The following SLC6A20 variants were observed in gnomAD, a reference collection of about 807,000 sequenced individuals.
SLC6A20 encodes solute carrier family 6 member 20.
Under a neutral mutation model 64.3 loss-of-function variants are expected in SLC6A20, and 73 were observed. The ratio of observed to expected loss-of-function variants is 1.14; its 90% CI spans 0.94 to 1.38. The LOEUF is 1.38. SLC6A20 is among the 40% of genes most tolerant of loss of function. The pLI is 0.00. For synonymous variants in SLC6A20, 347 were observed against 329.6 expected (o/e 1.05, Z -0.57); for missense variants, 725 against 772.8 (o/e 0.94, Z 0.73).
rs1177724068 is a variant in SLC6A20, at chr3:45,757,215, C to G, written c.*1763G>C. 6 of 150,832 alleles carry G rather than the reference C, an allele frequency of 4.0e-5. No homozygotes were observed. Among genetic ancestry groups the G allele is most frequent in the African/African-American group, 7.3e-5 (3 of 40,852 alleles). 9.3% of individuals were successfully genotyped at this position (150,832 alleles called of 1,614,324 possible). A position where few individuals can be genotyped will look rare whatever the true frequency, so the allele number is the denominator to read the frequency against. ...CTTTTTACACCGAGACATTCCATTA[C>G]CAGGGACAAGCAGGAGACAGAAGCC... On this transcript the variant is annotated 3_prime_UTR_variant, in exon 11 of 11. Coordinates refer to ENST00000358525, the MANE Select transcript of SLC6A20 (RefSeq NM_020208.4).
chr3:45,783,946 G>A (rs1182497010), intron 1 of SLC6A20, among the ~76,000 whole-genome samples: 1 of 152,220 alleles, frequency 6.6e-6, no homozygotes, highest in Non-Finnish European at 1.5e-5. Context: ...TCTCAATCAT[G>A]AAATATCTGA....
chr3:45,757,315 G>A lies in SLC6A20; in HGVS notation c.*1663C>T, dbSNP rs191679721. On this transcript the variant is annotated 3_prime_UTR_variant, in exon 11 of 11. Transcript: ENST00000358525. ...TCAGCACCGACCCTTTACAGGTGTC[G>A]GGCTGGGGGACAGTCAGGTCTTTCC... The A allele has an allele frequency of 5.3e-5, 8 of 151,900 alleles. No individual in the cohort carries two copies. The highest frequency in any genetic ancestry group is 1.9e-4 in the African/African-American group (8 of 41,426). The allele number at this position is 151,900 out of a possible 1,614,324, so 9.4% of individuals were successfully genotyped here.
At chr3:45,783,333 A>T (rs2125653334) in intron 1 of SLC6A20, among the ~76,000 whole-genome samples, 1 of 152,380 alleles carries the variant, frequency 6.6e-6, no homozygotes, top group East Asian at 1.9e-4. Context: ...CTGGATCCTC[A>T]GTTGTTAAGG....
chr3:45,782,995 A>T (rs1231139265), intron 1 of SLC6A20, among the ~76,000 whole-genome samples: 1 of 152,248 alleles, frequency 6.6e-6, no homozygotes, highest in Admixed American at 6.5e-5. Flanking sequence ...TCATGCCTGG[A>T]TCCATGCATT....
At position 45,758,880 on chromosome 3, in the gene SLC6A20, G is replaced by A. The variant is rs958319446; in HGVS notation, c.*98C>T. ...CTTTAGACACTCAGGAAGTTGATGGGCTGAGCACTCCTGGCTTAAGCATTT... is the reference window on the plus strand; with the variant it reads ...CTTTAGACACTCAGGAAGTTGATGGACTGAGCACTCCTGGCTTAAGCATTT... On this transcript the variant is annotated 3_prime_UTR_variant, in exon 11 of 11. Coordinates refer to ENST00000358525, the MANE Select transcript of SLC6A20 (RefSeq NM_020208.4). 28 of 1,445,862 alleles carry A rather than the reference G, an allele frequency of 1.9e-5. No individual in the cohort carries two copies. The highest frequency in any genetic ancestry group is 2.6e-5 in the Non-Finnish European group (28 of 1,097,446). 89.6% of individuals were successfully genotyped at this position (1,445,862 alleles called of 1,614,324 possible).
At chr3:45,783,511 C>A (rs1700129545) in intron 1 of SLC6A20, among the ~76,000 whole-genome samples, 1 of 152,254 alleles carries the variant, frequency 6.6e-6, no homozygotes, top group East Asian at 1.9e-4. Flanking sequence ...GCATGATGTT[C>A]TGCTCTGAAA....
chr3:45,771,587 T>C (rs1699869486), intron 5 of SLC6A20, 129 bp from the exon 6 acceptor site: 2 of 1,451,620 alleles, frequency 1.4e-6, no homozygotes, highest in Non-Finnish European at 1.8e-6. Context: ...GGGGCACCCC[T>C]AGGGCTGGAG....
intron 3 of SLC6A20, among the ~76,000 whole-genome samples, chr3:45,779,086 G>C (rs936414074): frequency 6.6e-6 from 1 of 152,222 alleles, no homozygotes; most frequent in African/African-American, 2.4e-5. Flanking sequence ...GTCCATGCCA[G>C]CCCTATCTTG....
intron 4 of SLC6A20, among the ~76,000 whole-genome samples, chr3:45,775,349 G>T (rs1288154102): frequency 6.6e-6 from 1 of 152,110 alleles, no homozygotes; most frequent in East Asian, 1.9e-4. Context: ...TAAGGCATGA[G>T]ATTTTTGAAA....
chr3:45,760,078 C>A (rs763093345), intron 9 of SLC6A20, 56 bp from the exon 10 acceptor site: 3 of 1,550,430 alleles, frequency 1.9e-6, no homozygotes, highest in South Asian at 2.5e-5. Flanking sequence ...GAGGTCAGGG[C>A]GTCCAGCTTG....
chr3:45,785,138 G>C (rs1048688085), intron 1 of SLC6A20, among the ~76,000 whole-genome samples: 1 of 152,130 alleles, frequency 6.6e-6, no homozygotes, highest in Non-Finnish European at 1.5e-5. Context: ...TCTGGAAAAG[G>C]CAAAACTATA....
rs1451693349 is a variant in SLC6A20, at chr3:45,756,962, G to A, written c.*2016C>T. 1 of 152,034 alleles carries A rather than the reference G, an allele frequency of 6.6e-6. No individual in the cohort carries two copies. Among genetic ancestry groups the A allele is most frequent in the African/African-American group, 2.4e-5 (1 of 41,376 alleles). The allele number at this position is 152,034 out of a possible 1,614,324, so 9.4% of individuals were successfully genotyped here. The stretch of plus-strand genomic sequence containing the variant: ...GGGGAGTGTAGCAGGGCAACAGGTG[G>A]GAAGAAGGTCAGCAGGGAAACATGT... On this transcript the variant is annotated 3_prime_UTR_variant, in exon 11 of 11. Coordinates refer to ENST00000358525, the MANE Select transcript of SLC6A20 (RefSeq NM_020208.4).
intron 2 of SLC6A20, among the ~76,000 whole-genome samples, chr3:45,781,217 C>T (rs1700079815): frequency 7.4e-6 from 1 of 134,314 alleles, no homozygotes; most frequent in South Asian, 2.7e-4. Flanking sequence ...CGAAACTCCG[C>T]CTCAAAAAAA....
rs1553659051 is a variant in SLC6A20 at position 45,756,960 on chromosome 3, T to TGG, written c.*2016_*2017dup. 6.6e-6 allele frequency: 1 copy of TGG among 151,930 alleles called. No homozygotes were observed. The highest frequency in any genetic ancestry group is 1.5e-5 in the Non-Finnish European group (1 of 67,978). The allele number at this position is 151,930 out of a possible 1,614,324, so 9.4% of individuals were successfully genotyped here. The stretch of plus-strand genomic sequence containing the variant: ...GAGGGGAGTGTAGCAGGGCAACAGG[T>TGG]GGGAAGAAGGTCAGCAGGGAAACAT... On this transcript the variant is annotated 3_prime_UTR_variant, in exon 11 of 11. Transcript: ENST00000358525.
chr3:45,777,473 G>A (rs927466094), intron 3 of SLC6A20, among the ~76,000 whole-genome samples: 1 of 152,230 alleles, frequency 6.6e-6, no homozygotes, highest in African/African-American at 2.4e-5. Context: ...GCCTCAGCCT[G>A]TGAGTCTGGG....
rs6796141 is a variant in SLC6A20, at chr3:45,779,619, G to A, written c.354+390C>T. ...ACGGGGAGGAAGAGGACAGGCCGTTGCTGTCTTGCTGGATTGAGGGAATCC... is the reference window on the plus strand; with the variant it reads ...ACGGGGAGGAAGAGGACAGGCCGTTACTGTCTTGCTGGATTGAGGGAATCC... On this transcript the variant is annotated intron_variant, in intron 3 of 10. Coordinates refer to ENST00000358525, the MANE Select transcript of SLC6A20 (RefSeq NM_020208.4). Among the ~76,000 whole-genome samples the A allele has an allele frequency of 1.8e-3, 276 of 152,290 alleles. 4 individuals carry two copies. Among genetic ancestry groups the A allele is most frequent in the African/African-American group, 6.4e-3 (264 of 41,550 alleles).
chr3:45,770,549 T>G (rs546616935), intron 6 of SLC6A20, among the ~76,000 whole-genome samples, 178 bp from the exon 7 acceptor site: 1 of 152,274 alleles, frequency 6.6e-6, no homozygotes, highest in African/African-American at 2.4e-5. Context: ...TGAACAGTGA[T>G]GACAACAGGC....
chr3:45,787,875 A>G (rs1700195220), intron 1 of SLC6A20, among the ~76,000 whole-genome samples: 1 of 152,234 alleles, frequency 6.6e-6, no homozygotes, highest in South Asian at 2.1e-4. Context: ...TGTGGTGTAT[A>G]GCGTAATGCT....
At position 45,796,451 on chromosome 3, in the gene SLC6A20, C is replaced by T. The variant is rs761723225; in HGVS notation, c.-32G>A. On this transcript the variant is annotated 5_prime_UTR_variant, in exon 1 of 11. Coordinates refer to ENST00000358525, the MANE Select transcript of SLC6A20 (RefSeq NM_020208.4). ...GGCCTCGGCGCGCTCGGCTCCGGCTCGGGGGTCCGGCACGGCAGTCTCAGT... is the reference window on the plus strand; with the variant it reads ...GGCCTCGGCGCGCTCGGCTCCGGCTTGGGGGTCCGGCACGGCAGTCTCAGT... 11 of 1,599,034 alleles carry T rather than the reference C, an allele frequency of 6.9e-6. No homozygotes were observed. Among genetic ancestry groups the T allele is most frequent in the African/African-American group, 1.4e-5 (1 of 73,402 alleles).
Sources: allele counts gnomAD v4.1 joint callset (sites outside exome capture counted in the v4.1 genomes callset), GRCh38; gene constraint gnomAD v4.1.1; transcripts MANE v1.5; gene names NCBI Gene and HGNC (gene_info 2026-07-23, HGNC 2026-07-21).